SLC44A5: variants seen among roughly 807,000 people sequenced by gnomAD.
The protein encoded by SLC44A5 is choline transporter-like protein 5.
Under a neutral mutation model 101.8 loss-of-function variants are expected in SLC44A5, and 57 were observed. That is an observed-to-expected ratio of 0.56 (90% CI 0.45 to 0.70). The LOEUF (loss-of-function observed/expected upper bound fraction) is 0.70. Among genes scored for constraint, SLC44A5 ranks in the 30% least tolerant of loss-of-function variants. The pLI is 0.00. For missense variants in SLC44A5, 737 were observed against 853.1 expected, an observed-to-expected ratio of 0.86 and a Z score of 1.70; for synonymous variants, 281 against 290.9, an observed-to-expected ratio of 0.97 and a Z score of 0.35.
At chr1:75,352,226 T>C (rs1022771707) in intron 3 of SLC44A5, among the ~76,000 whole-genome samples, 1 of 152,088 alleles carries the variant, frequency 6.6e-6, no homozygotes, top group African/African-American at 2.4e-5. Flanking sequence ...AGTTTCAAGG[T>C]ATATGTGCAG....
At position 75,405,530 on chromosome 1, in the gene SLC44A5, A is replaced by G. The variant is rs193088286; in HGVS notation, c.14-8909T>C. Among the ~76,000 whole-genome samples, 1,378 of 152,232 alleles carry G rather than the reference A, an allele frequency of 9.1e-3. 25 individuals carry two copies. Among genetic ancestry groups the G allele is most frequent in the African/African-American group, 0.032 (1,321 of 41,566 alleles). ...TCTCTCAGACCACAGTGCAATCAAA[A>G]TAGAACTCAGGATTAAGAAACTCAC... On this transcript the variant is annotated intron_variant, in intron 2 of 23. Coordinates refer to ENST00000370859, the MANE Select transcript of SLC44A5 (RefSeq NM_001130058.2).
At chr1:75,678,122 G>A in the SLC44A5 span, among the ~76,000 whole-genome samples, 1 of 152,268 alleles carries the variant, frequency 6.6e-6, no homozygotes, top group African/African-American at 2.4e-5. Flanking sequence ...ACCCCACGGA[G>A]TCTCACTGAT....
chr1:75,442,839 C>T (rs1293106184), intron 2 of SLC44A5, among the ~76,000 whole-genome samples: 1 of 152,142 alleles, frequency 6.6e-6, no homozygotes. Context: ...TCAACACAGT[C>T]CACATGCTCT....
At chr1:75,667,165 T>C in the SLC44A5 span, among the ~76,000 whole-genome samples, 3 of 152,242 alleles carry the variant, frequency 2.0e-5, no homozygotes, top group South Asian at 6.2e-4. Context: ...ATGACATGAT[T>C]GTATATTTAG....
At chr1:75,682,752 A>G in the SLC44A5 span, among the ~76,000 whole-genome samples, 2 of 151,708 alleles carry the variant, frequency 1.3e-5, no homozygotes, top group Non-Finnish European at 3.0e-5. Context: ...AAAATTGACA[A>G]ATGGGATCTA....
At chr1:75,492,580 A>G (rs1216356261) in intron 2 of SLC44A5, among the ~76,000 whole-genome samples, 2 of 152,218 alleles carry the variant, frequency 1.3e-5, no homozygotes, top group East Asian at 3.8e-4. Flanking sequence ...GAGGCAAGGT[A>G]ATAAATTCTA....
chr1:75,300,014 C>CA (rs35608663), intron 5 of SLC44A5, among the ~76,000 whole-genome samples: 2,506 of 93,458 alleles, frequency 0.027, 173 homozygotes, highest in African/African-American at 0.088. Flanking sequence ...GACTCTGTCT[C>CA]AAAAAAAAAA....
intron 1 of SLC44A5, among the ~76,000 whole-genome samples, chr1:75,594,318 A>G (rs997399201): frequency 1.3e-5 from 2 of 151,982 alleles, no homozygotes; most frequent in Admixed American, 1.3e-4. Context: ...TGAAGTTCTG[A>G]AGGGAAAAAA....
chr1:75,243,161 C>T (rs2100610634), intron 7 of SLC44A5, 150 bp from the exon 8 acceptor site: 3 of 1,002,608 alleles, frequency 3.0e-6, no homozygotes, highest in Admixed American at 3.6e-5. Context: ...TGCTCTCTCT[C>T]TTTTTCTTTC....
chr1:75,316,321 G>A (rs1655682306), intron 4 of SLC44A5, among the ~76,000 whole-genome samples: 1 of 152,100 alleles, frequency 6.6e-6, no homozygotes, highest in African/African-American at 2.4e-5. Context: ...ACTAATAATG[G>A]CTATCTGCCT....
In SLC44A5 at chr1:75,304,944, ACCC is replaced by A. The variant is rs1654789883; in HGVS notation, c.102-4262_102-4260del. 2.0e-5 allele frequency among the ~76,000 whole-genome samples: 3 copies of A among 152,052 alleles called. No homozygotes were observed. The South Asian group carries it at 6.2e-4, about 32-fold the overall frequency. ...CGCTTTCTCAAAACAAGCTGCCCAC[ACCC>A]CCATTTATCACAGAGCCACTCAAAA... On this transcript the variant is annotated intron_variant, in intron 4 of 23. Coordinates refer to ENST00000370859, the MANE Select transcript of SLC44A5 (RefSeq NM_001130058.2).
intron 3 of SLC44A5, among the ~76,000 whole-genome samples, chr1:75,372,941 T>G (rs1001559738): frequency 1.3e-5 from 2 of 152,164 alleles, no homozygotes; most frequent in African/African-American, 2.4e-5. Context: ...AGTTTAACAC[T>G]GCTATACAAA....
chr1:75,505,304 A>G (rs1669189924), intron 2 of SLC44A5, among the ~76,000 whole-genome samples: 1 of 152,164 alleles, frequency 6.6e-6, no homozygotes, highest in Admixed American at 6.5e-5. Flanking sequence ...GCTACTGTGA[A>G]TAGTGCTGTG....
chr1:75,244,315 G>A (rs1648919363), intron 7 of SLC44A5, among the ~76,000 whole-genome samples: 1 of 151,952 alleles, frequency 6.6e-6, no homozygotes. Flanking sequence ...ACTACCACAG[G>A]ACAGAGATGG....
the SLC44A5 span, among the ~76,000 whole-genome samples, chr1:75,719,795 A>G: frequency 6.6e-6 from 1 of 152,208 alleles, no homozygotes; most frequent in African/African-American, 2.4e-5. Context: ...GAGAAATTCA[A>G]CGAAGCCTGT....
rs142623751 is a variant in SLC44A5, at chr1:75,346,503, G to C, written c.53-6873C>G. 4.8e-3 allele frequency among the ~76,000 whole-genome samples: 728 copies of C among 152,160 alleles called. 4 individuals carry two copies. The Middle Eastern group carries it at 0.054, about 11-fold the overall frequency. The stretch of plus-strand genomic sequence containing the variant: ...TTATAGGCAGTGCTGAAGAATGGAC[G>C]TTTAGGGGGCATTTGAAATGCACTT... On this transcript the variant is annotated intron_variant, in intron 3 of 23. Coordinates refer to ENST00000370859, the MANE Select transcript of SLC44A5 (RefSeq NM_001130058.2).
the SLC44A5 span, among the ~76,000 whole-genome samples, chr1:75,675,514 T>G: frequency 1.3e-5 from 2 of 152,124 alleles, no homozygotes. Context: ...GCTTTTGGAC[T>G]GAGACGATCA....
chr1:75,635,033 A>G, the SLC44A5 span, among the ~76,000 whole-genome samples: 1 of 150,808 alleles, frequency 6.6e-6, no homozygotes. Flanking sequence ...GAAGACATTT[A>G]TGCAGCCAAC....
the SLC44A5 span, among the ~76,000 whole-genome samples, chr1:75,709,744 T>C: frequency 1.3e-5 from 2 of 152,252 alleles, no homozygotes; most frequent in East Asian, 3.8e-4. Context: ...CGCCTATTTT[T>C]AGTTTTTTTT....
Sources: allele counts gnomAD v4.1 joint callset (sites outside exome capture counted in the v4.1 genomes callset), GRCh38; gene constraint gnomAD v4.1.1; transcripts MANE v1.5; gene names NCBI Gene and HGNC (gene_info 2026-07-23, HGNC 2026-07-21).